KLHDC1: variants seen among roughly 807,000 people sequenced by gnomAD.
KLHDC1 encodes the protein kelch domain-containing protein 1.
A neutral mutation model predicts 68.3 loss-of-function variants in KLHDC1; 53 were observed. The ratio of observed to expected loss-of-function variants is 0.78; its 90% CI spans 0.62 to 0.98. The LOEUF is 0.98. KLHDC1 is among the 50% of genes least tolerant of loss of function. The probability of loss-of-function intolerance (pLI) is 0.00; values close to 1 mark genes in which losing one functional copy is unlikely to be tolerated. For missense variants in KLHDC1, 470 were observed against 492.3 expected (o/e 0.95, Z 0.43); for synonymous variants, 148 against 159.0 (o/e 0.93, Z 0.52).
intron 2 of KLHDC1, among the ~76,000 whole-genome samples, 165 bp downstream of exon 2, chr14:49,709,394 A>C (rs1384816612): frequency 6.6e-6 from 1 of 151,946 alleles, no homozygotes; most frequent in South Asian, 2.1e-4. Flanking sequence ...TCATTCCCCT[A>C]CTGTCTTCCC....
Position 49,747,009 on chromosome 14 carries a change from C to T in KLHDC1, c.1034+3204C>T, listed in dbSNP as rs540596758. 2.7e-5 allele frequency among the ~76,000 whole-genome samples: 4 copies of T among 150,228 alleles called. No individual in the cohort carries two copies. In the South Asian group the frequency reaches 6.4e-4, roughly 24 times the overall value. Reference sequence around the variant, plus strand: ...CTCACCCAGGCTGGAGTGCAGTACGCGATCTCAGCTCACTGCAAGCTCCAC... The same window carrying T: ...CTCACCCAGGCTGGAGTGCAGTACGTGATCTCAGCTCACTGCAAGCTCCAC... On this transcript the variant is annotated intron_variant, in intron 12 of 12. Coordinates refer to ENST00000359332, the MANE Select transcript of KLHDC1 (RefSeq NM_172193.3).
intron 6 of KLHDC1, among the ~76,000 whole-genome samples, chr14:49,727,469 C>T (rs1888700458): frequency 6.6e-6 from 1 of 152,206 alleles, no homozygotes; most frequent in Admixed American, 6.5e-5. Flanking sequence ...TACATGTCTA[C>T]TAATACACAT....
intron 4 of KLHDC1, among the ~76,000 whole-genome samples, chr14:49,715,699 T>C (rs1235771742): frequency 1.3e-4 from 17 of 135,608 alleles, no homozygotes; most frequent in African/African-American, 4.7e-4. Flanking sequence ...GATCTGAGGT[T>C]GTGCCATTGC....
intron 2 of KLHDC1, 62 bp downstream of exon 2, chr14:49,709,291 C>A: frequency 2.8e-6 from 2 of 725,396 alleles, no homozygotes; most frequent in Non-Finnish European, 2.3e-6. Context: ...TTTCTGTAGA[C>A]TCTAGGGAAT....
At chr14:49,731,838 C>G (rs1458589294) in intron 8 of KLHDC1, among the ~76,000 whole-genome samples, 1 of 152,062 alleles carries the variant, frequency 6.6e-6, no homozygotes, top group Non-Finnish European at 1.5e-5. Flanking sequence ...AGCCACTGTG[C>G]CTGGCATTGT....
intron 5 of KLHDC1, among the ~76,000 whole-genome samples, chr14:49,724,953 G>A (rs1230963170): frequency 1.3e-5 from 2 of 151,804 alleles, no homozygotes; most frequent in Non-Finnish European, 2.9e-5. Flanking sequence ...ACCAGCCTGG[G>A]TAACATGGCG....
At chr14:49,712,786 A>T (rs1888240606) in intron 4 of KLHDC1, among the ~76,000 whole-genome samples, 1 of 151,948 alleles carries the variant, frequency 6.6e-6, no homozygotes, top group Non-Finnish European at 1.5e-5. Flanking sequence ...TACAGGCATG[A>T]GCCGCCACAC....
chr14:49,712,767 T>C (rs936428911), intron 4 of KLHDC1, among the ~76,000 whole-genome samples: 1 of 152,040 alleles, frequency 6.6e-6, no homozygotes, highest in African/African-American at 2.4e-5. Context: ...CCTCCCAAAG[T>C]GCTGGGATTA....
chr14:49,706,505 G>A (rs564498683), intron 1 of KLHDC1, among the ~76,000 whole-genome samples: 1 of 152,218 alleles, frequency 6.6e-6, no homozygotes, highest in African/African-American at 2.4e-5. Context: ...CTAGCAGTGG[G>A]GGTGCTGGAT....
At chr14:49,742,188 T>C (rs1594682104) in intron 11 of KLHDC1, among the ~76,000 whole-genome samples, 1 of 152,340 alleles carries the variant, frequency 6.6e-6, no homozygotes, top group African/African-American at 2.4e-5. Context: ...CTAGAAATCT[T>C]CATTTAGGAT....
intron 1 of KLHDC1, among the ~76,000 whole-genome samples, chr14:49,707,060 G>A (rs1888067349): frequency 6.6e-6 from 1 of 152,134 alleles, no homozygotes; most frequent in Non-Finnish European, 1.5e-5. Context: ...TTTTTGCCCA[G>A]ACCAATGTCC....
intron 1 of KLHDC1, among the ~76,000 whole-genome samples, chr14:49,698,926 A>G (rs1057233184): frequency 6.6e-6 from 1 of 151,636 alleles, no homozygotes; most frequent in African/African-American, 2.4e-5. Flanking sequence ...AGCACTTTGG[A>G]GGCCGAGGCG....
chr14:49,734,620 T>C lies in KLHDC1; in HGVS notation c.855T>C (p.Asn285=). 1 of 1,598,732 alleles carries C rather than the reference T, an allele frequency of 6.3e-7. No individual in the cohort carries two copies. Among genetic ancestry groups the C allele is most frequent in the African/African-American group, 1.3e-5 (1 of 74,590 alleles). The part of the protein sequence containing the change: ...SDGWIHNVTT[N]CWKQLTHLPK... ...GTTGGATTCATAATGTCACAACAAATTGTTGGAAACAACTTACACATTTAC... is the reference window on the plus strand; with the variant it reads ...GTTGGATTCATAATGTCACAACAAACTGTTGGAAACAACTTACACATTTAC... Residue 285 remains asparagine (N), a synonymous_variant, in exon 10 of 13, where the codon AAT becomes AAC. Coordinates refer to ENST00000359332, the MANE Select transcript of KLHDC1 (RefSeq NM_172193.3).
chr14:49,735,721 G>A (rs1888915446), intron 10 of KLHDC1, among the ~76,000 whole-genome samples: 1 of 152,036 alleles, frequency 6.6e-6, no homozygotes, highest in Non-Finnish European at 1.5e-5. Context: ...TAAGGAAACT[G>A]AGCATTGGCC....
rs760026024 is a variant in KLHDC1, at chr14:49,709,211, A to G, written c.149A>G (p.Asp50Gly). The change falls in exon 2 of 13, where the codon GAT becomes GGT. Residue 50 changes from aspartate (D) to glycine (G), a missense_variant. Physicochemically the swap from Asp to Gly is moderately conservative, Grantham distance 94. Transcript: ENST00000359332. ...CCTAATGATGAAATTTGGACCTATG[A>G]TATTGATAGTGGGTTGTGGTAAGTA... ...YLPNDEIWTY[D>G]IDSGLWRMHL... is the part of the protein sequence containing the mutation. 1 of 1,369,442 alleles carries G rather than the reference A, an allele frequency of 7.3e-7. No homozygotes were observed. The highest frequency in any genetic ancestry group is 1.0e-6 in the Non-Finnish European group (1 of 974,104). 84.8% of individuals were successfully genotyped at this position (1,369,442 alleles called of 1,614,324 possible).
intron 4 of KLHDC1, among the ~76,000 whole-genome samples, chr14:49,716,004 A>G (rs1219558594): frequency 6.6e-6 from 1 of 151,988 alleles, no homozygotes; most frequent in Non-Finnish European, 1.5e-5. Flanking sequence ...TTTCATTCAC[A>G]GGTGTATACA....
At chr14:49,703,233 C>A (rs542485530) in intron 1 of KLHDC1, among the ~76,000 whole-genome samples, 1 of 152,180 alleles carries the variant, frequency 6.6e-6, no homozygotes, top group Admixed American at 6.6e-5. Context: ...TACCCCCACT[C>A]ATACAGGTTA....
intron 4 of KLHDC1, among the ~76,000 whole-genome samples, chr14:49,722,148 T>G (rs960805183): frequency 6.6e-6 from 1 of 152,234 alleles, no homozygotes; most frequent in African/African-American, 2.4e-5. Context: ...ATTATTATAC[T>G]TTAAGTTCTA....
chr14:49,733,154 C>T (rs1888855071), intron 9 of KLHDC1, among the ~76,000 whole-genome samples: 1 of 152,176 alleles, frequency 6.6e-6, no homozygotes, highest in Non-Finnish European at 1.5e-5. Context: ...TTTTGCTGTA[C>T]TCCAGGCTAG....
Sources: allele counts gnomAD v4.1 joint callset (sites outside exome capture counted in the v4.1 genomes callset), GRCh38; gene constraint gnomAD v4.1.1; transcripts MANE v1.5; gene names NCBI Gene and HGNC (gene_info 2026-07-23, HGNC 2026-07-21).